MYH15: variants seen among roughly 807,000 people sequenced by gnomAD.
The protein encoded by MYH15 is myosin heavy chain 15.
A neutral mutation model predicts 240.5 loss-of-function variants in MYH15; 227 were observed. The observed-to-expected ratio is 0.94, with a 90% CI of 0.85 to 1.05. The LOEUF is 1.05. Ranked by LOEUF, MYH15 falls within the 50% of genes least tolerant of loss-of-function variation. MYH15 has a pLI of 0.00. For missense variants in MYH15, 2,217 were observed against 2,247.5 expected (o/e 0.99, Z 0.27); for synonymous variants, 785 against 796.7 (o/e 0.99, Z 0.25).
In MYH15 at chr3:108,447,580, G is replaced by GAA. The variant is rs199837149; in HGVS notation, c.2400-2687_2400-2686dup. Among the ~76,000 whole-genome samples the GAA allele has an allele frequency of 1.3e-4, 19 of 143,220 alleles. 1 individual carries two copies. The East Asian group carries it at 2.0e-3, about 15-fold the overall frequency. 94.0% of individuals were successfully genotyped at this position (143,220 alleles called of 152,430 possible). ...GTGTGATATAACCAAAGTGCTAAAA[G>GAA]AAAAAAAAAAAACTAAAAACCACCA... On this transcript the variant is annotated intron_variant, in intron 21 of 40. Coordinates refer to ENST00000693548, the MANE Select transcript of MYH15 (RefSeq NM_014981.3).
At chr3:108,438,262 C>T (rs572730477) in intron 24 of MYH15, among the ~76,000 whole-genome samples, 12 of 152,292 alleles carry the variant, frequency 7.9e-5, no homozygotes, top group Non-Finnish European at 1.8e-4. Context: ...GTACCCTCTT[C>T]CAGTTCATAA....
intron 28 of MYH15, among the ~76,000 whole-genome samples, chr3:108,419,838 A>C (rs1346711006): frequency 6.6e-6 from 1 of 152,206 alleles, no homozygotes; most frequent in African/African-American, 2.4e-5. Flanking sequence ...CTCTTTTTAA[A>C]ACTGTGTGCC....
intron 37 of MYH15, 95 bp downstream of exon 37, chr3:108,391,665 T>C: frequency 7.9e-7 from 1 of 1,261,026 alleles, no homozygotes; most frequent in Admixed American, 2.2e-5. Context: ...TGATAAAGGG[T>C]ATGTGTGTTG....
intron 32 of MYH15, among the ~76,000 whole-genome samples, chr3:108,406,389 A>C (rs897069302): frequency 6.6e-6 from 1 of 152,208 alleles, no homozygotes; most frequent in African/African-American, 2.4e-5. Flanking sequence ...AAATAAAAAG[A>C]TGATGGGAAT....
intron 28 of MYH15, among the ~76,000 whole-genome samples, chr3:108,420,338 G>T (rs2082672459): frequency 6.6e-6 from 1 of 152,188 alleles, no homozygotes; most frequent in South Asian, 2.1e-4. Context: ...TGTCAAATAT[G>T]TAGTTAGTTT....
At chr3:108,411,036 G>A (rs1238155482) in intron 30 of MYH15, 104 bp from the exon 31 acceptor site, 5 of 962,024 alleles carry the variant, frequency 5.2e-6, no homozygotes, top group East Asian at 2.6e-5. Flanking sequence ...AAGTAAGATG[G>A]CGCCTCTGCA....
intron 7 of MYH15, 77 bp downstream of exon 7, chr3:108,495,703 C>T (rs138116353): frequency 1.8e-6 from 2 of 1,099,764 alleles, no homozygotes; most frequent in Admixed American, 2.2e-5. Context: ...TTTTTTCATA[C>T]CTATGTGCTT....
intron 1 of MYH15, among the ~76,000 whole-genome samples, chr3:108,515,651 T>C (rs1412069061): frequency 1.3e-5 from 2 of 152,222 alleles, no homozygotes; most frequent in African/African-American, 4.8e-5. Context: ...GATGTGAAGA[T>C]TGTGTATAAA....
chr3:108,458,062 A>T (rs28734887), intron 18 of MYH15, among the ~76,000 whole-genome samples: 227 of 140,488 alleles, frequency 1.6e-3, no homozygotes, highest in African/African-American at 5.2e-3. Flanking sequence ...TATTTTTTTT[A>T]AAAAAGGGAG....
rs1238984633 is a variant in MYH15, at chr3:108,380,552, G to A, written c.*993C>T. 4 of 152,248 alleles carry A rather than the reference G, an allele frequency of 2.6e-5. No individual in the cohort carries two copies. The highest frequency in any genetic ancestry group is 2.1e-4 in the South Asian group (1 of 4,822). 9.4% of individuals were successfully genotyped at this position (152,248 alleles called of 1,614,324 possible). On this transcript the variant is annotated 3_prime_UTR_variant, in exon 41 of 41. Transcript: ENST00000693548. The stretch of plus-strand genomic sequence containing the variant: ...CAAACAGAACCCATGTCTGTCTCAC[G>A]GCCTCCACTGCAATGCTGTGTGTGA...
chr3:108,510,612 G>A (rs1576276844), upstream of MYH15: 3 of 1,590,590 alleles, frequency 1.9e-6, no homozygotes, highest in East Asian at 6.7e-5. Flanking sequence ...TTGATACAGA[G>A]AAGAAAAAAG....
chr3:108,534,010 A>G (rs2083729756), upstream of MYH15, among the ~76,000 whole-genome samples: 1 of 152,204 alleles, frequency 6.6e-6, no homozygotes, highest in African/African-American at 2.4e-5. Flanking sequence ...AAATACTCTT[A>G]AAACGATTGA....
rs1464154689 is a variant in MYH15 at position 108,500,107 on chromosome 3, C to T, written c.496+11G>A. 6.2e-7 allele frequency: 1 copy of T among 1,609,880 alleles called. No homozygotes were observed. Among genetic ancestry groups the T allele is most frequent in the South Asian group, 1.1e-5 (1 of 90,678 alleles). ...TATTTTTACTTTTCATTTTGTAGGG[C>T]AGCTACTCACTGTGAAGCATGTCCT... is the stretch of plus-strand genomic sequence containing the variant. On this transcript the variant is annotated intron_variant, in intron 4 of 40. Transcript: ENST00000693548.
At chr3:108,533,752 A>G (rs2083727662), upstream of MYH15, among the ~76,000 whole-genome samples, 1 of 152,144 alleles carries the variant, frequency 6.6e-6, no homozygotes, top group South Asian at 2.1e-4. Context: ...ATTTATTAGG[A>G]CTTGGTTTTA....
chr3:108,426,993 C>T (rs1309943061), intron 27 of MYH15, among the ~76,000 whole-genome samples: 1 of 152,118 alleles, frequency 6.6e-6, no homozygotes, highest in South Asian at 2.1e-4. Flanking sequence ...CTCTGTTTTT[C>T]GGAATGGGAA....
chr3:108,437,367 T>C (rs946636202), intron 25 of MYH15, among the ~76,000 whole-genome samples, 187 bp downstream of exon 25: 1 of 151,978 alleles, frequency 6.6e-6, no homozygotes, highest in Non-Finnish European at 1.5e-5. Flanking sequence ...AGATTATGCA[T>C]CTGGTCTCTT....
At chr3:108,430,577 AT>A (rs1161854437) in intron 26 of MYH15, among the ~76,000 whole-genome samples, 1 of 152,176 alleles carries the variant, frequency 6.6e-6, no homozygotes, top group Non-Finnish European at 1.5e-5. Flanking sequence ...CAAGTTTTGG[AT>A]TTTAGCACAA....
chr3:108,439,946 C>A, intron 23 of MYH15, 33 bp from the exon 24 acceptor site: 1 of 1,513,442 alleles, frequency 6.6e-7, no homozygotes, highest in Non-Finnish European at 8.9e-7. Context: ...TCATTAAAGC[C>A]ACTGCTGGAA....
At chr3:108,384,538 T>C in intron 39 of MYH15, 149 bp downstream of exon 39, 1 of 685,898 alleles carries the variant, frequency 1.5e-6, no homozygotes, top group Non-Finnish European at 2.4e-6. Flanking sequence ...GTGAGAATTC[T>C]AACTTGAGAA....
Sources: allele counts gnomAD v4.1 joint callset (sites outside exome capture counted in the v4.1 genomes callset), GRCh38; gene constraint gnomAD v4.1.1; transcripts MANE v1.5; gene names NCBI Gene and HGNC (gene_info 2026-07-23, HGNC 2026-07-21).